The following PEX14 variants were observed in gnomAD, a reference collection of about 807,000 sequenced individuals.
PEX14 encodes the protein peroxisomal biogenesis factor 14.
A neutral mutation model predicts 49.5 loss-of-function variants in PEX14; 15 were observed. The ratio of observed to expected loss-of-function variants is 0.30; its 90% CI spans 0.20 to 0.47. PEX14 has a LOEUF of 0.47. PEX14 is among the 20% of genes least tolerant of loss of function. The pLI, the probability that PEX14 is intolerant of heterozygous loss-of-function variation, is 1.00. For synonymous variants in PEX14, 210 were observed against 212.7 expected (o/e 0.99, Z 0.11); for missense variants, 398 against 494.8 (o/e 0.80, Z 1.86).
intron 2 of PEX14, among the ~76,000 whole-genome samples, chr1:10,509,839 T>G (rs768597173): frequency 6.6e-6 from 1 of 152,256 alleles, no homozygotes; most frequent in Non-Finnish European, 1.5e-5. Flanking sequence ...TATTTTATTC[T>G]TTTACGCTTT....
intron 3 of PEX14, among the ~76,000 whole-genome samples, chr1:10,571,417 G>A (rs1435328208): frequency 6.6e-6 from 1 of 152,156 alleles, no homozygotes; most frequent in Non-Finnish European, 1.5e-5. Flanking sequence ...GATGGGTACA[G>A]AGTTTCAGTT....
rs543445259 is a variant in PEX14 at position 10,486,985 on chromosome 1, C to A, written c.37-8289C>A. On this transcript the variant is annotated intron_variant, in intron 1 of 8. Transcript: ENST00000356607. ...TACAGGCGTGAGCCATTGCACCCAG[C>A]CTGAGGCTCTGTCTCTTAAAAAAAA... 1.2e-4 allele frequency among the ~76,000 whole-genome samples: 18 copies of A among 152,014 alleles called. 1 individual carries two copies. The highest frequency in any genetic ancestry group is 4.3e-4 in the African/African-American group (18 of 41,480).
At chr1:10,558,705 C>T (rs1639563970) in intron 3 of PEX14, among the ~76,000 whole-genome samples, 1 of 147,600 alleles carries the variant, frequency 6.8e-6, no homozygotes, top group African/African-American at 2.5e-5. Flanking sequence ...CCACTGCACT[C>T]CAGTCTGGGC....
rs1031904195 is a variant in PEX14, at chr1:10,618,429, C to T, written c.384+12C>T. 4.4e-6 allele frequency: 7 copies of T among 1,603,870 alleles called. No homozygotes were observed. The highest frequency in any genetic ancestry group is 1.1e-5 in the South Asian group (1 of 90,880). On this transcript the variant is annotated intron_variant, in intron 5 of 8. Coordinates refer to ENST00000356607, the MANE Select transcript of PEX14 (RefSeq NM_004565.3). The stretch of plus-strand genomic sequence containing the variant: ...ACCAGCTCTACAAGGTGAGTCACCC[C>T]CAGCGGCTGCAGGTGCTGTGCCCCT...
At chr1:10,588,446 C>A (rs575187230) in intron 3 of PEX14, among the ~76,000 whole-genome samples, 97 of 152,166 alleles carry the variant, frequency 6.4e-4, no homozygotes, top group Non-Finnish European at 9.4e-4. Flanking sequence ...ATAAAGTGGA[C>A]CCCCTTTATC....
chr1:10,544,389 C>T (rs549435732), intron 3 of PEX14, among the ~76,000 whole-genome samples: 178 of 152,224 alleles, frequency 1.2e-3, no homozygotes, highest in Admixed American at 2.4e-3. Flanking sequence ...AACTATACCA[C>T]GTACTTTCTG....
chr1:10,595,081 C>T (rs946736718), intron 3 of PEX14, among the ~76,000 whole-genome samples: 3 of 152,102 alleles, frequency 2.0e-5, no homozygotes, highest in Admixed American at 1.3e-4. Context: ...GGCCCAGCTC[C>T]TACACAAGGG....
Position 10,629,971 on chromosome 1 carries a change from A to G in PEX14, c.1118A>G (p.Glu373Gly). The G allele has an allele frequency of 6.2e-7, 1 of 1,609,940 alleles. No homozygotes were observed. Among genetic ancestry groups the G allele is most frequent in the Non-Finnish European group, 8.5e-7 (1 of 1,179,570 alleles). ...KLRRPEGASN[E>G]SERD is the part of the protein sequence containing the mutation. ...CGGCGGCCCGAGGGCGCCAGCAACG[A>G]GAGTGAGCGGGACTAGGGCTGCGCC... is the stretch of plus-strand genomic sequence containing the variant. Residue 373 changes from glutamate to glycine, a missense_variant, in exon 9 of 9, where the codon GAG (glutamate) becomes GGG (glycine). Glu to Gly is a moderately conservative substitution (Grantham distance 98). Around this residue, in one of 3 missense-constraint regions of PEX14, gnomAD observed 140 missense variants for 155.5 expected, o/e 0.90. Coordinates refer to ENST00000356607, the MANE Select transcript of PEX14 (RefSeq NM_004565.3). The surrounding 1 kb of genome is among the most constrained non-coding windows in gnomAD (Gnocchi z 8.5).
intron 3 of PEX14, among the ~76,000 whole-genome samples, chr1:10,554,775 G>A (rs984342282): frequency 4.0e-5 from 6 of 151,456 alleles, no homozygotes; most frequent in Non-Finnish European, 7.4e-5. Flanking sequence ...ATACAGTGGC[G>A]CGATCTTGGC....
chr1:10,495,265 T>A lies in PEX14; in HGVS notation c.37-9T>A, dbSNP rs780963131. 2 of 1,613,884 alleles carry A rather than the reference T, an allele frequency of 1.2e-6. No individual in the cohort carries two copies. The highest frequency in any genetic ancestry group is 8.5e-7 in the Non-Finnish European group (1 of 1,179,814). On this transcript the variant is annotated splice_polypyrimidine_tract_variant and intron_variant, in intron 1 of 8. Transcript: ENST00000356607. The surrounding 1 kb of genome is among the most constrained non-coding windows in gnomAD (Gnocchi z 4.2). ...GTGATCTTATTTTTGTTTCCATTTT[T>A]CTCTGCAGCCAAGCTCTACTCCAGG...
intron 2 of PEX14, among the ~76,000 whole-genome samples, chr1:10,513,384 C>T (rs1641917158): frequency 6.6e-6 from 1 of 152,194 alleles, no homozygotes; most frequent in Non-Finnish European, 1.5e-5. Flanking sequence ...TTTGAGTCAA[C>T]ATGGTCTCAG....
chr1:10,558,854 C>T lies in PEX14; in HGVS notation c.169+22557C>T, dbSNP rs143679236. ...TATCTTTCAAGTAAAATATGTAATG[C>T]CCCTCACTGATGGTTTTGTACAGTT... On this transcript the variant is annotated intron_variant, in intron 3 of 8. Coordinates refer to ENST00000356607, the MANE Select transcript of PEX14 (RefSeq NM_004565.3). 7.2e-5 allele frequency among the ~76,000 whole-genome samples: 11 copies of T among 152,136 alleles called. 2 individuals carry two copies. Among genetic ancestry groups the T allele is most frequent in the African/African-American group, 2.6e-4 (11 of 41,530 alleles).
rs922019655 is a variant in PEX14, at chr1:10,572,249, G to C, written c.170-26989G>C. On this transcript the variant is annotated intron_variant, in intron 3 of 8. Coordinates refer to ENST00000356607, the MANE Select transcript of PEX14 (RefSeq NM_004565.3). Reference sequence around the variant, plus strand: ...ATAAATAAATTAACAGGATATGCCAGTACTCCAAAAGATTGTGCTGGAGTA... The same window carrying C: ...ATAAATAAATTAACAGGATATGCCACTACTCCAAAAGATTGTGCTGGAGTA... Among the ~76,000 whole-genome samples the C allele has an allele frequency of 3.0e-4, 45 of 152,124 alleles. 1 individual carries two copies.
chr1:10,525,288 C>T (rs752662604), intron 2 of PEX14, among the ~76,000 whole-genome samples: 10 of 151,754 alleles, frequency 6.6e-5, no homozygotes, highest in Non-Finnish European at 1.0e-4. Flanking sequence ...ATCAGTTTCA[C>T]AGCCCTTATG....
intron 4 of PEX14, among the ~76,000 whole-genome samples, chr1:10,603,541 G>A (rs1256664237): frequency 2.0e-5 from 3 of 149,194 alleles, no homozygotes; most frequent in Non-Finnish European, 4.6e-5. Flanking sequence ...AGTTGGTACA[G>A]TTCAGGAGAA....
chr1:10,489,224 G>A (rs1489857758), intron 1 of PEX14, among the ~76,000 whole-genome samples: 4 of 150,240 alleles, frequency 2.7e-5, no homozygotes, highest in African/African-American at 7.4e-5. Context: ...CAGGTGATCC[G>A]CCCGCCTCAG....
chr1:10,483,810 G>A (rs2124376542), intron 1 of PEX14, among the ~76,000 whole-genome samples: 1 of 151,758 alleles, frequency 6.6e-6, no homozygotes, highest in East Asian at 1.9e-4. Flanking sequence ...AACAGTTTCA[G>A]TATCCCTAAA....
chr1:10,553,502 C>T (rs879698313), intron 3 of PEX14, among the ~76,000 whole-genome samples: 7 of 152,290 alleles, frequency 4.6e-5, no homozygotes, highest in South Asian at 2.1e-4. Flanking sequence ...TGTTCTTTGA[C>T]ACCGACATTG....
intron 2 of PEX14, among the ~76,000 whole-genome samples, chr1:10,524,680 GA>G (rs1006897153): frequency 2.1e-4 from 7 of 34,038 alleles, no homozygotes; most frequent in East Asian, 1.2e-3. Context: ...GGAATCATTT[GA>G]TTGATTGATT....
Sources: allele counts gnomAD v4.1 joint callset (sites outside exome capture counted in the v4.1 genomes callset), GRCh38; gene constraint gnomAD v4.1.1; regional missense constraint gnomAD v4.1.1; non-coding constraint Gnocchi (gnomAD v3.1); transcripts MANE v1.5; gene names NCBI Gene and HGNC (gene_info 2026-07-23, HGNC 2026-07-21).